The following SMARCD2 variants were observed in gnomAD, a reference collection of about 807,000 sequenced individuals.
SMARCD2 encodes the protein SWI/SNF-related matrix-associated actin-dependent regulator of chromatin subfamily D member 2.
In SMARCD2, 39 loss-of-function variants were observed where a neutral mutation model predicts 70.4. The ratio of observed to expected loss-of-function variants is 0.55; its 90% CI spans 0.43 to 0.72. The LOEUF (loss-of-function observed/expected upper bound fraction) is 0.72, where lower values mean the gene tolerates loss of function less well. Ranked by LOEUF, SMARCD2 falls within the 30% of genes least tolerant of loss-of-function variation. The pLI is 0.00. For synonymous variants in SMARCD2, 249 were observed against 279.4 expected (o/e 0.89, Z 1.08); for missense variants, 540 against 713.4 (o/e 0.76, Z 2.77).
Position 63,834,903 on chromosome 17 carries a change from G to A in SMARCD2, c.724-103C>T. 3.9e-6 allele frequency: 3 copies of A among 771,304 alleles called. No individual in the cohort carries two copies. Among genetic ancestry groups the A allele is most frequent in the Non-Finnish European group, 6.6e-6 (3 of 452,384 alleles). 47.8% of individuals were successfully genotyped at this position (771,304 alleles called of 1,614,324 possible). ...GCCCCATTTCAGCCCTGGAGCTCCG[G>A]ATACTGAAGATTCCTGGGCCCTGAA... On this transcript the variant is annotated intron_variant, in intron 5 of 12. Coordinates refer to ENST00000448276, the MANE Select transcript of SMARCD2 (RefSeq NM_001098426.2). The surrounding 1 kb of genome is among the most constrained non-coding windows in gnomAD (Gnocchi z 5.6).
In SMARCD2 at chr17:63,834,233, G is replaced by A; in HGVS notation, c.1017C>T (p.Ile339=). 1 of 1,609,322 alleles carries A rather than the reference G, an allele frequency of 6.2e-7. No individual in the cohort carries two copies. Among genetic ancestry groups the A allele is most frequent in the Non-Finnish European group, 8.5e-7 (1 of 1,177,892 alleles). The part of the protein sequence containing the change: ...AAIMQALWLY[I]KHNQLQDGHE... ...GCCCATCCTGCAGCTGGTTGTGCTT[G>A]ATGTAAAGCCACAGGGCCTGCATGA... The change falls in exon 8 of 13, where the codon ATC becomes ATT. Residue 339 remains isoleucine (I), a synonymous_variant. Coordinates refer to ENST00000448276, the MANE Select transcript of SMARCD2 (RefSeq NM_001098426.2). The surrounding 1 kb of genome is among the most constrained non-coding windows in gnomAD (Gnocchi z 5.6).
At position 63,833,262 on chromosome 17, in the gene SMARCD2, T is replaced by C. The variant is rs7213828; in HGVS notation, c.1440+36A>G. 5 of 1,613,634 alleles carry C rather than the reference T, an allele frequency of 3.1e-6. No individual in the cohort carries two copies. The highest frequency in any genetic ancestry group is 1.1e-5 in the South Asian group (1 of 91,056). ...GCTGTGGGTAAAAATCACCCAGAGC[T>C]TTACATAGGAGTCCCCTCGGGAAAG... On this transcript the variant is annotated intron_variant, in intron 11 of 12. Transcript: ENST00000448276. The surrounding 1 kb of genome is among the most constrained non-coding windows in gnomAD (Gnocchi z 4.3).
Position 63,833,866 on chromosome 17 carries a change from T to C in SMARCD2, c.1181+43A>G. The C allele has an allele frequency of 1.3e-6, 2 of 1,551,342 alleles. No homozygotes were observed. Among genetic ancestry groups the C allele is most frequent in the Non-Finnish European group, 1.8e-6 (2 of 1,123,866 alleles). ...GGCTTTAGTTCAAGCCAAGGGTGAATCTGCTCTTAGAAGAGCCTTCCTGTC... is the reference window on the plus strand; with the variant it reads ...GGCTTTAGTTCAAGCCAAGGGTGAACCTGCTCTTAGAAGAGCCTTCCTGTC... On this transcript the variant is annotated intron_variant, in intron 9 of 12. Transcript: ENST00000448276. This position sits in a 1 kb window ranked among gnomAD's most constrained non-coding sequence, Gnocchi z 4.3.
chr17:63,837,756 C>G lies in SMARCD2; in HGVS notation c.217-131G>C. On this transcript the variant is annotated intron_variant, in intron 1 of 12. Coordinates refer to ENST00000448276, the MANE Select transcript of SMARCD2 (RefSeq NM_001098426.2). This position sits in a 1 kb window ranked among gnomAD's most constrained non-coding sequence, Gnocchi z 6.4. Reference sequence around the variant, plus strand: ...GCACACCAGAGCCCTGCTGGAGCCCCAGGAACAAAGGGGAGTGGGCGCCTG... The same window carrying G: ...GCACACCAGAGCCCTGCTGGAGCCCGAGGAACAAAGGGGAGTGGGCGCCTG... 1.3e-6 allele frequency: 1 copy of G among 741,338 alleles called. No individual in the cohort carries two copies. Among genetic ancestry groups the G allele is most frequent in the African/African-American group, 1.8e-5 (1 of 56,150 alleles). 45.9% of individuals were successfully genotyped at this position (741,338 alleles called of 1,614,324 possible). A position where few individuals can be genotyped will look rare whatever the true frequency, so the allele number is the denominator to read the frequency against.
In SMARCD2 at chr17:63,832,522, T is replaced by C; in HGVS notation, c.*416A>G. ...GGCTTGTAGGAATGGCAAAGAACTTTGGTTTAGAAAGGCTAGGAAGAGTCT... is the reference window on the plus strand; with the variant it reads ...GGCTTGTAGGAATGGCAAAGAACTTCGGTTTAGAAAGGCTAGGAAGAGTCT... On this transcript the variant is annotated 3_prime_UTR_variant, in exon 13 of 13. Coordinates refer to ENST00000448276, the MANE Select transcript of SMARCD2 (RefSeq NM_001098426.2). 4.4e-6 allele frequency: 1 copy of C among 229,874 alleles called. No individual in the cohort carries two copies. Among genetic ancestry groups the C allele is most frequent in the East Asian group, 1.0e-4 (1 of 9,706 alleles). The allele number at this position is 229,874 out of a possible 1,614,324, so 14.2% of individuals were successfully genotyped here. A position where few individuals can be genotyped will look rare whatever the true frequency, so the allele number is the denominator to read the frequency against.
At chr17:63,835,341 T>A (rs2040251686) in intron 5 of SMARCD2, 71 bp downstream of exon 5, 2 of 1,507,370 alleles carry the variant, frequency 1.3e-6, no homozygotes, top group African/African-American at 2.8e-5. Flanking sequence ...CAGGCTAGTA[T>A]CAAACTCCTT....
In SMARCD2 at chr17:63,834,113, C is replaced by T. The variant is rs961186764; in HGVS notation, c.1083+54G>A. 83 of 1,601,704 alleles carry T rather than the reference C, an allele frequency of 5.2e-5. No homozygotes were observed. The highest frequency in any genetic ancestry group is 4.2e-5 in the Non-Finnish European group (49 of 1,170,470). ...TGCAGGCTGTGGCCAAGGAGTAGCC[C>T]AGCAGGCAAGGCAAAGCAAGGGCTG... On this transcript the variant is annotated intron_variant, in intron 8 of 12. Coordinates refer to ENST00000448276, the MANE Select transcript of SMARCD2 (RefSeq NM_001098426.2). This position sits in a 1 kb window ranked among gnomAD's most constrained non-coding sequence, Gnocchi z 5.6.
At chr17:63,836,829 C>T (rs548533018) in intron 4 of SMARCD2, 93 bp downstream of exon 4, 11 of 1,305,362 alleles carry the variant, frequency 8.4e-6, no homozygotes, top group Non-Finnish European at 1.1e-5. Flanking sequence ...GTGAAAAACC[C>T]GGCTCTAGCC....
At chr17:63,840,539 G>A (rs1245572695) in intron 1 of SMARCD2, among the ~76,000 whole-genome samples, 2 of 151,780 alleles carry the variant, frequency 1.3e-5, no homozygotes, top group Admixed American at 1.3e-4. Context: ...TCCACAGCTA[G>A]AACCACCCTC....
Position 63,837,691 on chromosome 17 carries a change from TG to T in SMARCD2, c.217-67del, listed in dbSNP as rs1305896441. 4 of 1,354,312 alleles carry T rather than the reference TG, an allele frequency of 3.0e-6. No homozygotes were observed. The East Asian group carries it at 9.7e-5, about 33-fold the overall frequency. 83.9% of individuals were successfully genotyped at this position (1,354,312 alleles called of 1,614,324 possible). A position where few individuals can be genotyped will look rare whatever the true frequency, so the allele number is the denominator to read the frequency against. ...AAGGCCCTCCGGGACCCATAGCCCATGCCCTCCATCCCTCTCGTCAGCCAGG... is the reference window on the plus strand; with the variant it reads ...AAGGCCCTCCGGGACCCATAGCCCATCCCTCCATCCCTCTCGTCAGCCAGG... On this transcript the variant is annotated intron_variant, in intron 1 of 12. Transcript: ENST00000448276. This position sits in a 1 kb window ranked among gnomAD's most constrained non-coding sequence, Gnocchi z 6.4.
chr17:63,833,843 C>G lies in SMARCD2; in HGVS notation c.1181+66G>C. 6.4e-7 allele frequency: 1 copy of G among 1,561,330 alleles called. No individual in the cohort carries two copies. Among genetic ancestry groups the G allele is most frequent in the Non-Finnish European group, 8.8e-7 (1 of 1,134,690 alleles). ...AAAAGAAACCTGATGCTTTCTTTGG[C>G]TTTAGTTCAAGCCAAGGGTGAATCT... On this transcript the variant is annotated intron_variant, in intron 9 of 12. Transcript: ENST00000448276. This position sits in a 1 kb window ranked among gnomAD's most constrained non-coding sequence, Gnocchi z 4.3.
intron 1 of SMARCD2, chr17:63,838,835 C>T: frequency 8.0e-7 from 1 of 1,254,246 alleles, no homozygotes; most frequent in Non-Finnish European, 1.0e-6. Flanking sequence ...TCAAAGGACC[C>T]TCCCCCACCC....
At position 63,840,624 on chromosome 17, in the gene SMARCD2, G is replaced by C. The variant is rs765783767; in HGVS notation, c.216+1835C>G. On this transcript the variant is annotated intron_variant, in intron 1 of 12. Transcript: ENST00000448276. The stretch of plus-strand genomic sequence containing the variant: ...TGGGCCTCAAATTCTCACTTTTCAA[G>C]TGCATCTCATGAGCCCTAACAGACA... Among the ~76,000 whole-genome samples the C allele has an allele frequency of 3.9e-5, 6 of 152,076 alleles. No individual in the cohort carries two copies. In the South Asian group the frequency reaches 8.3e-4, roughly 21 times the overall value.
Position 63,834,125 on chromosome 17 carries a change from C to G in SMARCD2, c.1083+42G>C, listed in dbSNP as rs7217959. On this transcript the variant is annotated intron_variant, in intron 8 of 12. Transcript: ENST00000448276. This position sits in a 1 kb window ranked among gnomAD's most constrained non-coding sequence, Gnocchi z 5.6. ...CCAAGGAGTAGCCCAGCAGGCAAGGCAAAGCAAGGGCTGAGAAAACGGGGG... is the reference window on the plus strand; with the variant it reads ...CCAAGGAGTAGCCCAGCAGGCAAGGGAAAGCAAGGGCTGAGAAAACGGGGG... 1 of 1,606,216 alleles carries G rather than the reference C, an allele frequency of 6.2e-7. No individual in the cohort carries two copies. Among genetic ancestry groups the G allele is most frequent in the Non-Finnish European group, 8.5e-7 (1 of 1,174,708 alleles).
Position 63,837,362 on chromosome 17 carries a change from A to G in SMARCD2, c.401+79T>C. The G allele has an allele frequency of 6.5e-7, 1 of 1,537,238 alleles. No individual in the cohort carries two copies. Among genetic ancestry groups the G allele is most frequent in the South Asian group, 1.1e-5 (1 of 89,042 alleles). ...AGCCTGGAGTCATCCTCAGTCACCA[A>G]AGCTCTTAAGATAGAAGGAAACCCT... On this transcript the variant is annotated intron_variant, in intron 2 of 12. Coordinates refer to ENST00000448276, the MANE Select transcript of SMARCD2 (RefSeq NM_001098426.2). This position sits in a 1 kb window ranked among gnomAD's most constrained non-coding sequence, Gnocchi z 6.4.
chr17:63,834,738 C>T lies in SMARCD2; in HGVS notation c.786G>A (p.Lys262=), dbSNP rs2040243296. The T allele has an allele frequency of 6.2e-7, 1 of 1,613,782 alleles. No individual in the cohort carries two copies. Among genetic ancestry groups the T allele is most frequent in the Non-Finnish European group, 8.5e-7 (1 of 1,179,752 alleles). The change falls in exon 6 of 13, where the codon AAG becomes AAA. Residue 262 remains lysine (K), a synonymous_variant. Coordinates refer to ENST00000448276, the MANE Select transcript of SMARCD2 (RefSeq NM_001098426.2). This position sits in a 1 kb window ranked among gnomAD's most constrained non-coding sequence, Gnocchi z 5.6. ...GGTGATTGTCAGGCCCGTACAGCTC[C>T]TTGTCCAGCTCAATGACGAGGCTCT... ...FFKSLVIELD[K]ELYGPDNHLV...
chr17:63,842,339 A>C, intron 1 of SMARCD2, 120 bp downstream of exon 1: 6 of 1,181,986 alleles, frequency 5.1e-6, no homozygotes, highest in Non-Finnish European at 6.3e-6. Flanking sequence ...CCCGCCCTCC[A>C]CCGTCTCCCG....
rs1424100120 is a variant in SMARCD2, at chr17:63,838,511, A to T, written c.217-886T>A. On this transcript the variant is annotated intron_variant, in intron 1 of 12. Transcript: ENST00000448276. ...CAATCCCAAGCTGGAGAAGGGGGCT[A>T]AGATTATCCTGGGAGGCAAGGATAG... The T allele has an allele frequency of 2.7e-5, 29 of 1,083,370 alleles. No individual in the cohort carries two copies. In the East Asian group the frequency reaches 9.2e-4, roughly 34 times the overall value. 67.1% of individuals were successfully genotyped at this position (1,083,370 alleles called of 1,614,324 possible).
Position 63,837,471 on chromosome 17 carries a change from G to A in SMARCD2, c.371C>T (p.Ala124Val), listed in dbSNP as rs762130064. ...GCGCTGGGCAGGCATGGGAGGCTGCGCCTGGGGCACAAGCAGGCGTTTTCG... is the reference window on the plus strand; with the variant it reads ...GCGCTGGGCAGGCATGGGAGGCTGCACCTGGGGCACAAGCAGGCGTTTTCG... ...PFRKRLLVPQ[A>V]QPPMPAQRRG... The change falls in exon 2 of 13, where the codon GCG becomes GTG. Residue 124 changes from alanine to valine, a missense_variant. By Grantham distance (64) the Ala-to-Val change is moderately conservative. Transcript: ENST00000448276. This position sits in a 1 kb window ranked among gnomAD's most constrained non-coding sequence, Gnocchi z 6.4. 8 of 1,583,248 alleles carry A rather than the reference G, an allele frequency of 5.1e-6. No homozygotes were observed. Among genetic ancestry groups the A allele is most frequent in the African/African-American group, 2.7e-5 (2 of 74,304 alleles).
Sources: allele counts gnomAD v4.1 joint callset (sites outside exome capture counted in the v4.1 genomes callset), GRCh38; gene constraint gnomAD v4.1.1; non-coding constraint Gnocchi (gnomAD v3.1); transcripts MANE v1.5; gene names NCBI Gene and HGNC (gene_info 2026-07-23, HGNC 2026-07-21).